Variants in MACROD1 observed in about 807,000 individuals in gnomAD.
MACROD1 encodes the protein mono-ADP ribosylhydrolase 1.
Under a neutral mutation model 41.4 loss-of-function variants are expected in MACROD1, and 31 were observed. That is an observed-to-expected ratio of 0.75 (90% CI 0.56 to 1.01). The LOEUF (loss-of-function observed/expected upper bound fraction) is 1.01. Among genes scored for constraint, MACROD1 ranks in the 50% least tolerant of loss-of-function variants. MACROD1 has a pLI of 0.00. For synonymous variants in MACROD1, 252 were observed against 203.4 expected, an observed-to-expected ratio of 1.24 and a Z score of -2.03; for missense variants, 473 against 460.0, an observed-to-expected ratio of 1.03 and a Z score of -0.26.
chr11:64,044,251 CTTT>C (rs34174027), intron 3 of MACROD1, among the ~76,000 whole-genome samples: 6 of 140,380 alleles, frequency 4.3e-5, no homozygotes, highest in Admixed American at 7.1e-5. Flanking sequence ...CCCCCAACAA[CTTT>C]TTTTTTTTTT....
At chr11:64,017,115 A>G (rs1440429106) in intron 3 of MACROD1, among the ~76,000 whole-genome samples, 1 of 152,114 alleles carries the variant, frequency 6.6e-6, no homozygotes, top group Non-Finnish European at 1.5e-5. Context: ...GACTACAGGC[A>G]TGCGCCACCA....
intron 3 of MACROD1, among the ~76,000 whole-genome samples, chr11:64,107,633 C>T (rs908531314): frequency 3.2e-4 from 48 of 152,340 alleles, no homozygotes; most frequent in African/African-American, 1.1e-3. Flanking sequence ...AAAGAATTCC[C>T]GCCCCAGCCC....
intron 3 of MACROD1, among the ~76,000 whole-genome samples, chr11:64,038,473 C>T (rs1943424620): frequency 6.6e-6 from 1 of 152,182 alleles, no homozygotes; most frequent in Non-Finnish European, 1.5e-5. Flanking sequence ...GGCCTTGACC[C>T]TGCGGGTGTT....
chr11:64,014,137 C>T (rs533624633), intron 4 of MACROD1, among the ~76,000 whole-genome samples: 27 of 152,130 alleles, frequency 1.8e-4, no homozygotes, highest in East Asian at 1.2e-3. Flanking sequence ...GATCAATGAA[C>T]GGAGGAAGGG....
At chr11:64,043,078 C>T (rs530025940) in intron 3 of MACROD1, among the ~76,000 whole-genome samples, 1 of 152,302 alleles carries the variant, frequency 6.6e-6, no homozygotes, top group South Asian at 2.1e-4. Context: ...CATCTGAGTA[C>T]CCTGGACGCC....
intron 3 of MACROD1, among the ~76,000 whole-genome samples, chr11:64,081,456 T>C (rs1048063461): frequency 6.6e-6 from 1 of 152,148 alleles, no homozygotes; most frequent in Non-Finnish European, 1.5e-5. Context: ...CATACAGGGA[T>C]TGGCAGAGTG....
At chr11:64,029,115 C>G (rs1313639749) in intron 3 of MACROD1, among the ~76,000 whole-genome samples, 14 of 152,216 alleles carry the variant, frequency 9.2e-5, no homozygotes, top group Non-Finnish European at 2.1e-4. Context: ...GGGACAGAGA[C>G]AACCCAAGGG....
In MACROD1 at chr11:64,061,379, A is replaced by G. The variant is rs536977712; in HGVS notation, c.518-46098T>C. On this transcript the variant is annotated intron_variant, in intron 3 of 10. Transcript: ENST00000255681. The stretch of plus-strand genomic sequence containing the variant: ...AGGTGAGGGCCCTCTGCTAGGCAAG[A>G]GGAATGGGCTTGGCCCGCCCAGACC... Among the ~76,000 whole-genome samples, 10 of 152,248 alleles carry G rather than the reference A, an allele frequency of 6.6e-5. No individual in the cohort carries two copies. The East Asian group carries it at 7.8e-4, about 12-fold the overall frequency.
Position 64,039,846 on chromosome 11 carries a change from T to C in MACROD1, c.518-24565A>G, listed in dbSNP as rs557431013. Among the ~76,000 whole-genome samples, 23 of 152,210 alleles carry C rather than the reference T, an allele frequency of 1.5e-4. No individual in the cohort carries two copies. The East Asian group carries it at 4.5e-3, about 29-fold the overall frequency. The stretch of plus-strand genomic sequence containing the variant: ...ATTCCTGCAGCCCTGGGTTTTAAAA[T>C]GACAACCTGCAGAGCTGGTGGCTAG... On this transcript the variant is annotated intron_variant, in intron 3 of 10. Transcript: ENST00000255681.
chr11:64,062,526 C>T (rs1247612438), intron 3 of MACROD1, among the ~76,000 whole-genome samples: 1 of 152,246 alleles, frequency 6.6e-6, no homozygotes, highest in Non-Finnish European at 1.5e-5. Context: ...CTCTGGCACC[C>T]AAACAGAGGT....
intron 3 of MACROD1, among the ~76,000 whole-genome samples, chr11:64,134,310 G>C (rs1441780514): frequency 6.6e-6 from 1 of 152,178 alleles, no homozygotes; most frequent in African/African-American, 2.4e-5. Context: ...CCAGTCATGA[G>C]GTTGCAGAGA....
At chr11:64,079,392 G>A (rs1379664394) in intron 3 of MACROD1, among the ~76,000 whole-genome samples, 1 of 151,958 alleles carries the variant, frequency 6.6e-6, no homozygotes, top group Non-Finnish European at 1.5e-5. Flanking sequence ...AGGAGGGAAG[G>A]GGGTCGTTGG....
Position 64,146,651 on chromosome 11 carries a change from C to A in MACROD1, c.517+4588G>T, listed in dbSNP as rs565162244. 1.6e-4 allele frequency among the ~76,000 whole-genome samples: 25 copies of A among 152,210 alleles called. No individual in the cohort carries two copies. Among genetic ancestry groups the A allele is most frequent in the Non-Finnish European group, 2.9e-4 (20 of 68,000 alleles). On this transcript the variant is annotated intron_variant, in intron 3 of 10. Coordinates refer to ENST00000255681, the MANE Select transcript of MACROD1 (RefSeq NM_014067.4). The surrounding 1 kb of genome is among the most constrained non-coding windows in gnomAD (Gnocchi z 4.7). ...TCCCCACTTCTATGCTTCTGCCCAA[C>A]CTCCCACCTCACTCCCACCACATCC...
At chr11:64,147,714 G>A (rs1237675814) in intron 3 of MACROD1, among the ~76,000 whole-genome samples, 1 of 148,972 alleles carries the variant, frequency 6.7e-6, no homozygotes, top group Non-Finnish European at 1.5e-5. Flanking sequence ...GTGAGCCATC[G>A]TACCTGGCCC....
Position 64,120,055 on chromosome 11 carries a change from C to T in MACROD1, c.517+31184G>A, listed in dbSNP as rs1353610944. Among the ~76,000 whole-genome samples the T allele has an allele frequency of 2.6e-5, 4 of 152,118 alleles. No individual in the cohort carries two copies. Among genetic ancestry groups the T allele is most frequent in the Admixed American group, 6.5e-5 (1 of 15,276 alleles). ...AGCGCCTGGTGGTGCTATTTTCAAA[C>T]GGCCTCCACCACCGTGCGAAAAGCA... On this transcript the variant is annotated intron_variant, in intron 3 of 10. Coordinates refer to ENST00000255681, the MANE Select transcript of MACROD1 (RefSeq NM_014067.4). This position sits in a 1 kb window ranked among gnomAD's most constrained non-coding sequence, Gnocchi z 4.5.
intron 3 of MACROD1, among the ~76,000 whole-genome samples, chr11:64,068,859 C>T (rs1016831727): frequency 2.0e-5 from 3 of 152,350 alleles, no homozygotes; most frequent in East Asian, 1.9e-4. Flanking sequence ...GAGTGAGCCT[C>T]GGCCTTCCCC....
intron 3 of MACROD1, among the ~76,000 whole-genome samples, chr11:64,150,528 G>A (rs976813417): frequency 3.3e-5 from 5 of 152,164 alleles, no homozygotes; most frequent in Non-Finnish European, 5.9e-5. Context: ...GCGAGCAGGC[G>A]GGCGAGGGCC....
At chr11:64,131,901 G>T (rs1001301307) in intron 3 of MACROD1, among the ~76,000 whole-genome samples, 2 of 152,182 alleles carry the variant, frequency 1.3e-5, no homozygotes, top group African/African-American at 4.8e-5. Flanking sequence ...AGCTGAGGAG[G>T]GGGGCAGGGG....
At chr11:64,060,715 C>T (rs1214891731) in intron 3 of MACROD1, 4 of 152,144 alleles carry the variant, frequency 2.6e-5, no homozygotes, top group Non-Finnish European at 5.9e-5. Flanking sequence ...CATTCATCAA[C>T]TTCGAGGCTG....
Sources: allele counts gnomAD v4.1 joint callset (sites outside exome capture counted in the v4.1 genomes callset), GRCh38; gene constraint gnomAD v4.1.1; non-coding constraint Gnocchi (gnomAD v3.1); transcripts MANE v1.5; gene names NCBI Gene and HGNC (gene_info 2026-07-23, HGNC 2026-07-21).